The following SKAP1 variants were observed in gnomAD, a reference collection of about 807,000 sequenced individuals.
The protein encoded by SKAP1 is src kinase associated phosphoprotein 1.
Under a neutral mutation model 58.5 loss-of-function variants are expected in SKAP1, and 44 were observed. That is an observed-to-expected ratio of 0.75 (90% CI 0.59 to 0.97). The LOEUF (loss-of-function observed/expected upper bound fraction) is 0.97, where lower values mean the gene tolerates loss of function less well. Ranked by LOEUF, SKAP1 falls within the 50% of genes least tolerant of loss-of-function variation. The pLI is 0.00. For synonymous variants in SKAP1, 127 were observed against 149.7 expected (o/e 0.85, Z 1.11); for missense variants, 390 against 435.2 (o/e 0.90, Z 0.92).
chr17:48,161,501 A>G (rs1325633167), intron 11 of SKAP1, among the ~76,000 whole-genome samples: 1 of 152,200 alleles, frequency 6.6e-6, no homozygotes, highest in Non-Finnish European at 1.5e-5. Flanking sequence ...TGATCCCCCA[A>G]ACTGTAGCCC....
At chr17:48,211,035 G>C (rs1210482975) in intron 4 of SKAP1, among the ~76,000 whole-genome samples, 1 of 151,806 alleles carries the variant, frequency 6.6e-6, no homozygotes, top group East Asian at 1.9e-4. Context: ...CCCAGGAATG[G>C]GAGGGCACTT....
At chr17:48,305,863 T>G (rs1247139830) in intron 4 of SKAP1, among the ~76,000 whole-genome samples, 1 of 152,168 alleles carries the variant, frequency 6.6e-6, no homozygotes. Flanking sequence ...CCTTTTTTAT[T>G]TTCAATATGG....
intron 4 of SKAP1, among the ~76,000 whole-genome samples, chr17:48,292,275 T>C (rs2065908132): frequency 6.6e-6 from 1 of 152,136 alleles, no homozygotes; most frequent in Non-Finnish European, 1.5e-5. Context: ...CATTTCTTAA[T>C]GTTGTCATTG....
chr17:48,413,523 A>AAAAAAAAATATAT, intron 1 of SKAP1, among the ~76,000 whole-genome samples: 2 of 105,454 alleles, frequency 1.9e-5, no homozygotes, highest in African/African-American at 8.6e-5. Flanking sequence ...TCAAAAAAAA[A>AAAAAAAAATATAT]ATATATATAT....
chr17:48,303,023 T>G lies in SKAP1; in HGVS notation c.280+42882A>C, dbSNP rs141039577. Among the ~76,000 whole-genome samples the G allele has an allele frequency of 8.5e-5, 13 of 152,304 alleles. No individual in the cohort carries two copies. The East Asian group carries it at 2.5e-3, about 29-fold the overall frequency. On this transcript the variant is annotated intron_variant, in intron 4 of 12. Coordinates refer to ENST00000336915, the MANE Select transcript of SKAP1 (RefSeq NM_003726.4). ...ATTGCTCAAATTTAAAAGTTGAAAT[T>G]TAAGTTTTTAAAGATCAATGAAATG...
intron 7 of SKAP1, among the ~76,000 whole-genome samples, chr17:48,184,466 C>A (rs1393724387): frequency 6.6e-6 from 1 of 152,034 alleles, no homozygotes; most frequent in Admixed American, 6.6e-5. Flanking sequence ...AGCATCTCAC[C>A]TATGAAGTGA....
At chr17:48,244,230 C>T (rs2065271399) in intron 4 of SKAP1, among the ~76,000 whole-genome samples, 1 of 152,146 alleles carries the variant, frequency 6.6e-6, no homozygotes, top group Non-Finnish European at 1.5e-5. Context: ...AGCCTTTTCT[C>T]CAGCTTGAGT....
Position 48,345,891 on chromosome 17 carries a change from A to G in SKAP1, c.280+14T>C. 2 of 1,587,864 alleles carry G rather than the reference A, an allele frequency of 1.3e-6. No individual in the cohort carries two copies. Among genetic ancestry groups the G allele is most frequent in the Non-Finnish European group, 1.7e-6 (2 of 1,156,762 alleles). ...GTATGGTAGTCACCCAAAATCCAGA[A>G]GGATAACACTCACCCTCATCCTGAT... is the stretch of plus-strand genomic sequence containing the variant. On this transcript the variant is annotated intron_variant, in intron 4 of 12. Coordinates refer to ENST00000336915, the MANE Select transcript of SKAP1 (RefSeq NM_003726.4).
chr17:48,392,873 A>T (rs989332550), intron 2 of SKAP1, among the ~76,000 whole-genome samples: 7 of 148,588 alleles, frequency 4.7e-5, no homozygotes, highest in Admixed American at 1.4e-4. Flanking sequence ...ATATATATAT[A>T]TATATTTTTT....
At chr17:48,147,796 C>G (rs1469270170) in intron 11 of SKAP1, among the ~76,000 whole-genome samples, 1 of 152,032 alleles carries the variant, frequency 6.6e-6, no homozygotes, top group Non-Finnish European at 1.5e-5. Flanking sequence ...GAGTTTTGGT[C>G]TATAAATCAT....
At chr17:48,142,668 C>T (rs1361235790) in intron 11 of SKAP1, among the ~76,000 whole-genome samples, 1 of 152,182 alleles carries the variant, frequency 6.6e-6, no homozygotes, top group Non-Finnish European at 1.5e-5. Flanking sequence ...GCTCCTTATA[C>T]AACAATAAGA....
intron 4 of SKAP1, chr17:48,294,268 TCTG>T (rs1168141434): frequency 1.3e-5 from 2 of 152,344 alleles, no homozygotes; most frequent in East Asian, 3.9e-4. Context: ...CTCGGATCTC[TCTG>T]CTATTAGTCT....
At chr17:48,189,352 T>C (rs2064504536) in intron 5 of SKAP1, 71 bp downstream of exon 5, 2 of 1,264,084 alleles carry the variant, frequency 1.6e-6, no homozygotes, top group Admixed American at 1.8e-5. Flanking sequence ...GCATCCAATG[T>C]GTTAGCCTTC....
At chr17:48,375,031 A>C (rs1234658117) in intron 2 of SKAP1, among the ~76,000 whole-genome samples, 1 of 152,254 alleles carries the variant, frequency 6.6e-6, no homozygotes, top group Non-Finnish European at 1.5e-5. Flanking sequence ...AATCTAGTCC[A>C]AAATATTAGC....
intron 4 of SKAP1, among the ~76,000 whole-genome samples, chr17:48,282,405 A>T (rs753773519): frequency 2.6e-5 from 4 of 152,176 alleles, no homozygotes; most frequent in Non-Finnish European, 4.4e-5. Flanking sequence ...AATAGTACAG[A>T]GTTCTCATCT....
chr17:48,424,671 A>T (rs776496576), intron 1 of SKAP1, among the ~76,000 whole-genome samples: 18 of 151,506 alleles, frequency 1.2e-4, no homozygotes, highest in Non-Finnish European at 1.9e-4. Context: ...ACGGTGGCTC[A>T]TGCCTGTAAT....
chr17:48,277,448 C>T (rs1312409325), intron 4 of SKAP1, among the ~76,000 whole-genome samples: 1 of 152,158 alleles, frequency 6.6e-6, no homozygotes, highest in Non-Finnish European at 1.5e-5. Flanking sequence ...ATATATGGAG[C>T]ATTCCTGATT....
chr17:48,387,815 C>G (rs1188477083), intron 2 of SKAP1, among the ~76,000 whole-genome samples: 1 of 151,952 alleles, frequency 6.6e-6, no homozygotes, highest in Non-Finnish European at 1.5e-5. Flanking sequence ...CAGAAATTAC[C>G]TTTCCTTTTT....
intron 11 of SKAP1, among the ~76,000 whole-genome samples, chr17:48,138,935 C>T (rs2063735895): frequency 6.6e-6 from 1 of 151,736 alleles, no homozygotes; most frequent in South Asian, 2.1e-4. Context: ...GTTGCCCAGG[C>T]TGGAATGCAG....
Sources: gnomAD v4.1 joint callset for allele counts (sites outside exome capture counted in the v4.1 genomes callset) on GRCh38, gnomAD v4.1.1 for gene constraint, MANE v1.5 for transcripts, NCBI Gene and HGNC (gene_info 2026-07-23, HGNC 2026-07-21) for gene names.